Variants in TBC1D8B observed in about 807,000 individuals in gnomAD.
TBC1D8B encodes TBC1 domain family member 8B.
TBC1D8B carries 75 observed loss-of-function variants against 82.9 expected under a neutral mutation model. That is an observed-to-expected ratio of 0.90 (90% CI 0.75 to 1.10). TBC1D8B has a LOEUF of 1.10. Ranked by LOEUF, TBC1D8B falls within the 50% of genes least tolerant of loss-of-function variation. The pLI, the probability that TBC1D8B is intolerant of heterozygous loss-of-function variation, is 0.00. For synonymous variants in TBC1D8B, 276 were observed against 276.8 expected (o/e 1.00, Z 0.03); for missense variants, 794 against 796.9 (o/e 1.00, Z 0.04).
chrX:106,839,201 G>T, intron 7 of TBC1D8B, 107 bp from the exon 8 acceptor site: 1 of 822,545 alleles, frequency 1.2e-6, no homozygotes, highest in South Asian at 4.9e-5. Flanking sequence ...TTTAATATTT[G>T]TTATGTATAC....
rs186626455 is a variant in TBC1D8B at position 106,815,745 on chromosome X, C to T, written c.131-2918C>T. On this transcript the variant is annotated intron_variant, in intron 1 of 20. Transcript: ENST00000357242. ...CATTGAGCAGTGGTTTGTAGTTCTC[C>T]TTGAAGAGGTCCTTCACATCCCCTG... The T allele has an allele frequency of 7.2e-5, 8 of 111,131 alleles. No homozygotes were observed. In the Admixed American group the frequency reaches 7.7e-4, roughly 11 times the overall value. The allele number at this position is 111,131 out of a possible 1,213,427, so 9.2% of individuals were successfully genotyped here.
intron 1 of TBC1D8B, among the ~76,000 whole-genome samples, chrX:106,805,416 A>G (rs1367554002): frequency 9.0e-6 from 1 of 110,829 alleles, no homozygotes; most frequent in African/African-American, 3.3e-5. Flanking sequence ...TAAAGCATGG[A>G]CCAACTGCAC....
At chrX:106,868,568 G>GGTAAA in intron 18 of TBC1D8B, 92 bp downstream of exon 18, 1 of 553,525 alleles carries the variant, frequency 1.8e-6, no homozygotes, top group Non-Finnish European at 2.6e-6. Flanking sequence ...ACTAAAATTG[G>GGTAAA]GCTTCATTTT....
chrX:106,823,592 G>C, intron 5 of TBC1D8B, 126 bp downstream of exon 5: 2 of 715,527 alleles, frequency 2.8e-6, no homozygotes, highest in Non-Finnish European at 3.9e-6. Flanking sequence ...AGTTGATTGT[G>C]GGTGTGTGTG....
In TBC1D8B at chrX:106,866,779, T is replaced by G; in HGVS notation, c.2663-18T>G. On this transcript the variant is annotated intron_variant, in intron 16 of 20. Coordinates refer to ENST00000357242, the MANE Select transcript of TBC1D8B (RefSeq NM_017752.3). The stretch of plus-strand genomic sequence containing the variant: ...TCTTTAGATACATGATTATTTACAA[T>G]TGAATTTTATTGAACAGACATAATG... The G allele has an allele frequency of 1.8e-6, 2 of 1,083,553 alleles. No homozygotes were observed. The highest frequency in any genetic ancestry group is 5.2e-4 in the Middle Eastern group (2 of 3,837). The allele number at this position is 1,083,553 out of a possible 1,213,427, so 89.3% of individuals were successfully genotyped here. A position where few individuals can be genotyped will look rare whatever the true frequency, so the allele number is the denominator to read the frequency against.
intron 14 of TBC1D8B, among the ~76,000 whole-genome samples, chrX:106,864,776 C>T (rs1184547591): frequency 9.0e-6 from 1 of 111,495 alleles, no homozygotes; most frequent in Non-Finnish European, 1.9e-5. Flanking sequence ...GCCTTGGCCT[C>T]CCAAGTGCTG....
chrX:106,874,688 A>C lies in TBC1D8B; in HGVS notation c.*723A>C, dbSNP rs1602443158. 9.0e-6 allele frequency: 1 copy of C among 111,607 alleles called. No homozygotes were observed. Among genetic ancestry groups the C allele is most frequent in the African/African-American group, 3.3e-5 (1 of 30,723 alleles). 9.2% of individuals were successfully genotyped at this position (111,607 alleles called of 1,213,427 possible). Reference sequence around the variant, plus strand: ...AAAAAACAATATTGGATTTGGATTTAATCTGGGTAAAATCAGCCTTCTGAG... The same window carrying C: ...AAAAAACAATATTGGATTTGGATTTCATCTGGGTAAAATCAGCCTTCTGAG... On this transcript the variant is annotated 3_prime_UTR_variant, in exon 21 of 21. Coordinates refer to ENST00000357242, the MANE Select transcript of TBC1D8B (RefSeq NM_017752.3).
intron 1 of TBC1D8B, chrX:106,814,760 T>C (rs1931487404): frequency 8.9e-6 from 1 of 112,014 alleles, no homozygotes; most frequent in African/African-American, 3.3e-5. Context: ...AGATGGCATC[T>C]CATAGTGGTT....
intron 1 of TBC1D8B, chrX:106,815,654 C>T (rs1428864017): frequency 1.8e-5 from 2 of 110,035 alleles, no homozygotes; most frequent in African/African-American, 6.7e-5. Context: ...GCCATTTTCA[C>T]GATATTGATT....
intron 10 of TBC1D8B, among the ~76,000 whole-genome samples, chrX:106,841,837 G>T (rs760411877): frequency 9.0e-6 from 1 of 111,639 alleles, no homozygotes; most frequent in South Asian, 3.8e-4. Flanking sequence ...CAGGAACAGG[G>T]AAAGAGCATG....
At chrX:106,819,813 T>C (rs957810790) in intron 2 of TBC1D8B, among the ~76,000 whole-genome samples, 9 of 110,837 alleles carry the variant, frequency 8.1e-5, no homozygotes, top group Admixed American at 3.9e-4. Flanking sequence ...AAAAAAGGCC[T>C]TTCTACTTAA....
intron 7 of TBC1D8B, among the ~76,000 whole-genome samples, chrX:106,832,955 G>A (rs527770037): frequency 9.0e-6 from 1 of 110,822 alleles, no homozygotes; most frequent in East Asian, 2.8e-4. Context: ...TTTCTAAGTT[G>A]GGAAACCAGA....
intron 7 of TBC1D8B, among the ~76,000 whole-genome samples, chrX:106,831,795 T>C (rs942285015): frequency 2.7e-5 from 3 of 111,641 alleles, no homozygotes; most frequent in African/African-American, 9.7e-5. Flanking sequence ...TTTTAATAAA[T>C]ATATGTACAA....
In TBC1D8B at chrX:106,818,647, C is replaced by G; in HGVS notation, c.131-16C>G. On this transcript the variant is annotated splice_polypyrimidine_tract_variant and intron_variant, in intron 1 of 20. Transcript: ENST00000357242. ...CTTGTAAAGTCCTTATTTCAACAATCTTTCTATTACAACAGGGCTTCTGGT... is the reference window on the plus strand; with the variant it reads ...CTTGTAAAGTCCTTATTTCAACAATGTTTCTATTACAACAGGGCTTCTGGT... 1 of 1,142,015 alleles carries G rather than the reference C, an allele frequency of 8.8e-7. No individual in the cohort carries two copies. Among genetic ancestry groups the G allele is most frequent in the Non-Finnish European group, 1.2e-6 (1 of 842,962 alleles). The allele number at this position is 1,142,015 out of a possible 1,213,427, so 94.1% of individuals were successfully genotyped here.
At chrX:106,846,137 G>A (rs1387381718) in intron 10 of TBC1D8B, among the ~76,000 whole-genome samples, 1 of 75,454 alleles carries the variant, frequency 1.3e-5, no homozygotes, top group Non-Finnish European at 2.4e-5. Context: ...GTCTCACTCT[G>A]TTGCCCAGGC....
chrX:106,853,009 T>G (rs1835558948), intron 12 of TBC1D8B, among the ~76,000 whole-genome samples: 1 of 111,169 alleles, frequency 9.0e-6, no homozygotes, highest in Non-Finnish European at 1.9e-5. Flanking sequence ...ATAAATTACC[T>G]TGGGCAGTAT....
intron 14 of TBC1D8B, among the ~76,000 whole-genome samples, chrX:106,856,543 C>A (rs909315988): frequency 9.0e-6 from 1 of 110,516 alleles, no homozygotes; most frequent in African/African-American, 3.3e-5. Flanking sequence ...GTTTTTCCAA[C>A]CAAAATCACT....
chrX:106,802,805 G>C lies in TBC1D8B; in HGVS notation c.-49G>C. The stretch of plus-strand genomic sequence containing the variant: ...AGGGGAAGAGACGGGTTGAGAGTGA[G>C]GTGAGGAGGGCATCTAGGTCACTGC... On this transcript the variant is annotated 5_prime_UTR_variant, in exon 1 of 21. Transcript: ENST00000357242. 2 of 1,205,537 alleles carry C rather than the reference G, an allele frequency of 1.7e-6. No homozygotes were observed. Among genetic ancestry groups the C allele is most frequent in the East Asian group, 6.0e-5 (2 of 33,593 alleles).
intron 1 of TBC1D8B, among the ~76,000 whole-genome samples, chrX:106,805,259 C>CT (rs79051070): frequency 2.1e-3 from 200 of 96,374 alleles, no homozygotes; most frequent in South Asian, 2.4e-3. Context: ...TGGCTAATTT[C>CT]TTTTTTTTTT....
Sources: gnomAD v4.1 joint callset for allele counts (sites outside exome capture counted in the v4.1 genomes callset) on GRCh38, gnomAD v4.1.1 for gene constraint, MANE v1.5 for transcripts, NCBI Gene and HGNC (gene_info 2026-07-23, HGNC 2026-07-21) for gene names.